The following SOX6 variants were observed in gnomAD, a reference collection of about 807,000 sequenced individuals.
SOX6 encodes SRY-box transcription factor 6.
SOX6 carries 11 observed loss-of-function variants against 97.8 expected under a neutral mutation model. The ratio of observed to expected loss-of-function variants is 0.11; its 90% CI spans 0.07 to 0.19. The LOEUF (loss-of-function observed/expected upper bound fraction) is 0.19, where lower values mean the gene tolerates loss of function less well. Among genes scored for constraint, SOX6 ranks in the 10% least tolerant of loss-of-function variants. The probability of loss-of-function intolerance (pLI) is 1.00; values close to 1 mark genes in which losing one functional copy is unlikely to be tolerated. For synonymous variants in SOX6, 360 were observed against 371.4 expected, an observed-to-expected ratio of 0.97 and a Z score of 0.35; for missense variants, 810 against 1,039.5, an observed-to-expected ratio of 0.78 and a Z score of 3.04.
intron 6 of SOX6, among the ~76,000 whole-genome samples, chr11:16,172,039 C>T (rs1359819886): frequency 1.3e-5 from 2 of 151,748 alleles, no homozygotes; most frequent in African/African-American, 4.8e-5. Flanking sequence ...AGTCTCCCTT[C>T]ACAGCTTAAG....
intron 3 of SOX6, among the ~76,000 whole-genome samples, chr11:16,698,419 G>C (rs542190789): frequency 1.3e-5 from 2 of 152,272 alleles, no homozygotes; most frequent in Middle Eastern, 3.4e-3. Context: ...TTTGACTTAA[G>C]AGAATTTTGT....
At chr11:16,144,264 G>C (rs1310483750) in intron 6 of SOX6, among the ~76,000 whole-genome samples, 11 of 152,080 alleles carry the variant, frequency 7.2e-5, no homozygotes, top group Admixed American at 5.9e-4. Flanking sequence ...GGGTACATAA[G>C]GAAATGAAGG....
chr11:16,115,995 T>C (rs1229657571), intron 6 of SOX6, among the ~76,000 whole-genome samples: 1 of 152,250 alleles, frequency 6.6e-6, no homozygotes, highest in Non-Finnish European at 1.5e-5. Flanking sequence ...AATGATCATT[T>C]TGTTCCAAGG....
chr11:16,617,818 A>G (rs1848489833), intron 3 of SOX6, among the ~76,000 whole-genome samples: 3 of 151,914 alleles, frequency 2.0e-5, no homozygotes, highest in African/African-American at 7.2e-5. Flanking sequence ...AGTTTTTACT[A>G]ACAACCAACC....
chr11:16,072,164 G>A (rs1357824487), intron 9 of SOX6, among the ~76,000 whole-genome samples: 5 of 152,058 alleles, frequency 3.3e-5, no homozygotes, highest in African/African-American at 9.7e-5. Context: ...ACATTCAGGA[G>A]AAAGTCAAAA....
intron 6 of SOX6, among the ~76,000 whole-genome samples, chr11:16,127,861 A>G (rs1484157009): frequency 6.6e-6 from 1 of 152,172 alleles, no homozygotes; most frequent in Non-Finnish European, 1.5e-5. Context: ...CCACATCATT[A>G]TGTATGATAT....
chr11:16,707,598 G>A (rs1036531384), intron 3 of SOX6, among the ~76,000 whole-genome samples: 2 of 152,164 alleles, frequency 1.3e-5, no homozygotes, highest in African/African-American at 4.8e-5. Flanking sequence ...TGAGGCAACT[G>A]AGTATTGGGA....
At chr11:16,037,609 A>C (rs1478272984) in intron 12 of SOX6, among the ~76,000 whole-genome samples, 1 of 152,198 alleles carries the variant, frequency 6.6e-6, no homozygotes, top group African/African-American at 2.4e-5. Flanking sequence ...CAGGGAACTA[A>C]GTGTTATTAA....
intron 3 of SOX6, among the ~76,000 whole-genome samples, chr11:16,687,804 T>C (rs1054140316): frequency 6.6e-6 from 1 of 152,300 alleles, no homozygotes; most frequent in Middle Eastern, 3.4e-3. Context: ...AGTGCTAGTG[T>C]AACAGGCATG....
chr11:16,259,882 G>C (rs1015921879), intron 3 of SOX6, among the ~76,000 whole-genome samples: 3 of 151,480 alleles, frequency 2.0e-5, no homozygotes, highest in African/African-American at 7.3e-5. Context: ...TAAAAATTTA[G>C]TGAAAGATAC....
intron 3 of SOX6, among the ~76,000 whole-genome samples, chr11:16,645,225 C>G (rs777133493): frequency 6.6e-6 from 1 of 152,172 alleles, no homozygotes; most frequent in African/African-American, 2.4e-5. Context: ...CCAATTCAAG[C>G]TGGCAACATA....
At chr11:16,616,446 A>AT (rs1287562019) in intron 3 of SOX6, among the ~76,000 whole-genome samples, 1 of 151,998 alleles carries the variant, frequency 6.6e-6, no homozygotes, top group Non-Finnish European at 1.5e-5. Flanking sequence ...ATCCCATACT[A>AT]TTTTTTAAAT....
At chr11:16,147,618 G>A (rs1850345425) in intron 6 of SOX6, among the ~76,000 whole-genome samples, 1 of 152,048 alleles carries the variant, frequency 6.6e-6, no homozygotes, top group South Asian at 2.1e-4. Context: ...TGCTTTTTAT[G>A]TCACTTCCTT....
intron 3 of SOX6, among the ~76,000 whole-genome samples, chr11:16,626,312 C>G (rs1565196958): frequency 6.6e-6 from 1 of 152,142 alleles, no homozygotes. Context: ...ATTTTTTAGA[C>G]TATCATTTTC....
intron 3 of SOX6, among the ~76,000 whole-genome samples, chr11:16,299,703 T>C (rs1051601319): frequency 3.9e-5 from 6 of 152,118 alleles, no homozygotes; most frequent in African/African-American, 1.2e-4. Context: ...CTCTGCAAAA[T>C]ATGTTTTTCC....
chr11:16,472,341 G>A (rs1590216107), intron 1 of SOX6, among the ~76,000 whole-genome samples: 1 of 152,232 alleles, frequency 6.6e-6, no homozygotes, highest in Non-Finnish European at 1.5e-5. Flanking sequence ...GATAAGATTT[G>A]GACAGCTCAG....
intron 1 of SOX6, among the ~76,000 whole-genome samples, chr11:16,475,515 G>A (rs1160815683): frequency 6.6e-6 from 1 of 152,146 alleles, no homozygotes; most frequent in Admixed American, 6.5e-5. Flanking sequence ...GGAGAGGGAT[G>A]GAAGAACAGC....
At chr11:16,426,273 AAAAAAAAAAAAAAAAAAAAAAAAC>A in intron 1 of SOX6, among the ~76,000 whole-genome samples, 1 of 146,166 alleles carries the variant, frequency 6.8e-6, no homozygotes, top group Non-Finnish European at 1.5e-5. Flanking sequence ...AAAAAAAAAA[AAAAAAAAAAAAAAAAAAAAAAAAC>A]CACTATTTTA....
intron 7 of SOX6, among the ~76,000 whole-genome samples, chr11:16,107,942 C>T (rs957254487): frequency 1.3e-5 from 2 of 152,082 alleles, no homozygotes; most frequent in African/African-American, 2.4e-5. Context: ...GTTTAACAGG[C>T]TAAAGTTACT....
Sources: gnomAD v4.1 joint callset for allele counts (sites outside exome capture counted in the v4.1 genomes callset) on GRCh38, gnomAD v4.1.1 for gene constraint, MANE v1.5 for transcripts, NCBI Gene and HGNC (gene_info 2026-07-23, HGNC 2026-07-21) for gene names.